The following COL9A1 variants were observed in gnomAD, a reference collection of about 807,000 sequenced individuals.
COL9A1 encodes the protein collagen type IX alpha 1 chain, also known as collagen alpha-1(IX) chain.
COL9A1 carries 104 observed loss-of-function variants against 142.6 expected under a neutral mutation model. The ratio of observed to expected loss-of-function variants is 0.73; its 90% CI spans 0.62 to 0.86. The LOEUF is 0.86. Among genes scored for constraint, COL9A1 ranks in the 40% least tolerant of loss-of-function variants. The pLI is 0.00. For synonymous variants in COL9A1, 466 were observed against 396.0 expected (o/e 1.18, Z -2.10); for missense variants, 1,210 against 1,176.6 (o/e 1.03, Z -0.42).
At chr6:70,291,525 C>T (rs1248505850) in intron 5 of COL9A1, among the ~76,000 whole-genome samples, 5 of 152,150 alleles carry the variant, frequency 3.3e-5, no homozygotes, top group African/African-American at 1.2e-4. Context: ...CTTGTCTCAA[C>T]TCCTTGTTCT....
chr6:70,242,711 C>A lies in COL9A1; in HGVS notation c.1877G>T (p.Ser626Ile). The change falls in exon 29 of 38, where the codon AGT (serine) becomes ATT (isoleucine). Residue 626 changes from serine to isoleucine, a missense_variant. By Grantham distance (142) the Ser-to-Ile change is moderately radical. Transcript: ENST00000357250. ...GPRGPQGLPG[S>I]RGELGPVGSP... ...TCCCACTGGTCCTAATTCTCCTCTACTGCCCTGTAAAAACACAAACATTGT... is the reference window on the plus strand; with the variant it reads ...TCCCACTGGTCCTAATTCTCCTCTAATGCCCTGTAAAAACACAAACATTGT... 6.2e-7 allele frequency: 1 copy of A among 1,614,092 alleles called. No homozygotes were observed. Among genetic ancestry groups the A allele is most frequent in the Non-Finnish European group, 8.5e-7 (1 of 1,179,922 alleles).
At chr6:70,265,999 A>G (rs1178297638) in intron 18 of COL9A1, among the ~76,000 whole-genome samples, 1 of 152,182 alleles carries the variant, frequency 6.6e-6, no homozygotes, top group Non-Finnish European at 1.5e-5. Flanking sequence ...GAACAACTTA[A>G]CTTTGTAAAA....
At position 70,261,955 on chromosome 6, in the gene COL9A1, A is replaced by G. The variant is rs142230946; in HGVS notation, c.1396-1245T>C. On this transcript the variant is annotated intron_variant, in intron 19 of 37. Transcript: ENST00000357250. ...AGTACATGCTTTTTAAATTTGGCAT[A>G]CCTATTCCCAAATAGCAGGAGGTAA... is the stretch of plus-strand genomic sequence containing the variant. 5.2e-3 allele frequency among the ~76,000 whole-genome samples: 797 copies of G among 152,252 alleles called. 3 individuals are homozygous for G. Among genetic ancestry groups the G allele is most frequent in the African/African-American group, 0.018 (753 of 41,544 alleles).
At chr6:70,239,615 T>C (rs952018185) in intron 32 of COL9A1, among the ~76,000 whole-genome samples, 5 of 152,204 alleles carry the variant, frequency 3.3e-5, no homozygotes, top group African/African-American at 9.6e-5. Context: ...GATATTAAAA[T>C]AGCATTATCT....
At position 70,242,790 on chromosome 6, in the gene COL9A1, A is replaced by G. The variant is rs771110138; in HGVS notation, c.1873-75T>C. The G allele has an allele frequency of 1.1e-5, 16 of 1,419,932 alleles. No individual in the cohort carries two copies. In the East Asian group the frequency reaches 3.4e-4, roughly 30 times the overall value. 88.0% of individuals were successfully genotyped at this position (1,419,932 alleles called of 1,614,324 possible). A position where few individuals can be genotyped will look rare whatever the true frequency, so the allele number is the denominator to read the frequency against. On this transcript the variant is annotated intron_variant, in intron 28 of 37. Transcript: ENST00000357250. Reference sequence around the variant, plus strand: ...GCTTAGTTACTATGTAAATAAAATAACATCCTACCTAGGTTTTTTTCCTTC... The same window carrying G: ...GCTTAGTTACTATGTAAATAAAATAGCATCCTACCTAGGTTTTTTTCCTTC...
Position 70,234,867 on chromosome 6 carries a change from C to T in COL9A1, c.2186G>A (p.Arg729Lys). 6.2e-7 allele frequency: 1 copy of T among 1,614,174 alleles called. No individual in the cohort carries two copies. The highest frequency in any genetic ancestry group is 8.5e-7 in the Non-Finnish European group (1 of 1,180,024). ...SRGLPGVEGP[R>K]GPPGPRGVQG... ...CACACCCCGGGGTCCAGGTGGTCCT[C>T]TTGGTCCTTCCACTCCAGGAAGCCC... is the stretch of plus-strand genomic sequence containing the variant. The change falls in exon 34 of 38, where the codon AGA becomes AAA. Residue 729 changes from arginine (R) to lysine (K), a missense_variant. Transcript: ENST00000357250.
intron 25 of COL9A1, among the ~76,000 whole-genome samples, chr6:70,254,021 C>T (rs1055399063): frequency 3.9e-5 from 6 of 152,116 alleles, no homozygotes; most frequent in Non-Finnish European, 5.9e-5. Flanking sequence ...ACAATCCACA[C>T]GAACTTCCAG....
In COL9A1 at chr6:70,294,261, A is replaced by G. The variant is rs1180969852; in HGVS notation, c.602T>C (p.Ile201Thr). The change falls in exon 5 of 38, where the codon ATT becomes ACT. Residue 201 changes from isoleucine (I) to threonine (T), a missense_variant. Physicochemically the swap from Ile to Thr is moderately conservative, Grantham distance 89. Coordinates refer to ENST00000357250, the MANE Select transcript of COL9A1 (RefSeq NM_001851.6). ...TCTTGGCTTTATAGGTAAAGATTCA[A>G]TCCTGTTGCAGTCAACAAAAAGAGT... Reference protein sequence around the residue: ...SATLFVDCNRIESLPIKPRGP... With the variant: ...SATLFVDCNRTESLPIKPRGP... 1.9e-6 allele frequency: 3 copies of G among 1,613,990 alleles called. No individual in the cohort carries two copies. Among genetic ancestry groups the G allele is most frequent in the Middle Eastern group, 1.6e-4 (1 of 6,084 alleles).
At chr6:70,266,197 G>GT (rs953175886) in intron 18 of COL9A1, among the ~76,000 whole-genome samples, 6 of 152,100 alleles carry the variant, frequency 3.9e-5, no homozygotes, top group African/African-American at 7.2e-5. Context: ...AGATAATAAC[G>GT]TAAGTTATTA....
intron 30 of COL9A1, 30 bp downstream of exon 30, chr6:70,241,934 A>G: frequency 6.4e-7 from 1 of 1,555,824 alleles, no homozygotes; most frequent in African/African-American, 1.4e-5. Flanking sequence ...CTTCCAAATA[A>G]AGAACCTTCT....
At chr6:70,227,424 TAAAAAAAAAAAAAAAA>T (rs11407353) in intron 36 of COL9A1, among the ~76,000 whole-genome samples, 1 of 50,046 alleles carries the variant, frequency 2.0e-5, no homozygotes, top group Non-Finnish European at 3.4e-5. Context: ...ATGCAAATTG[TAAAAAAAAAAAAAAAA>T]AAAAAAAAGG....
At chr6:70,287,654 C>T (rs914762070) in intron 5 of COL9A1, among the ~76,000 whole-genome samples, 1 of 152,182 alleles carries the variant, frequency 6.6e-6, no homozygotes, top group African/African-American at 2.4e-5. Context: ...TCTCTTGAAC[C>T]CATTCCAGTT....
intron 5 of COL9A1, among the ~76,000 whole-genome samples, chr6:70,292,609 A>C (rs1257757426): frequency 2.0e-5 from 3 of 152,212 alleles, no homozygotes; most frequent in African/African-American, 7.2e-5. Context: ...AAGACAATTT[A>C]ATAGCATCTT....
intron 33 of COL9A1, among the ~76,000 whole-genome samples, chr6:70,237,002 T>C (rs554074549): frequency 4.0e-4 from 61 of 152,258 alleles, no homozygotes; most frequent in Non-Finnish European, 7.8e-4. Flanking sequence ...TTTGTATTTT[T>C]AGTAAAGATG....
At chr6:70,254,715 A>C (rs954352527) in intron 24 of COL9A1, 186 bp from the exon 25 acceptor site, 5 of 682,078 alleles carry the variant, frequency 7.3e-6, no homozygotes, top group Non-Finnish European at 1.3e-5. Context: ...AATTCAACCA[A>C]AATGCACAGT....
At position 70,234,569 on chromosome 6, in the gene COL9A1, T is replaced by C. The variant is rs2127559477; in HGVS notation, c.2284A>G (p.Ile762Val). The C allele has an allele frequency of 3.1e-6, 5 of 1,614,214 alleles. No individual in the cohort carries two copies. Among genetic ancestry groups the C allele is most frequent in the Non-Finnish European group, 4.2e-6 (5 of 1,180,032 alleles). Residue 762 changes from isoleucine to valine, a missense_variant, in exon 35 of 38, where the codon ATT becomes GTT. Transcript: ENST00000357250. ...PPGRAPTDQH[I>V]KQVCMRVIQE... is the part of the protein sequence containing the mutation. ...ATGACTCTCATGCAAACCTGCTTAATGTGCTGATCTGTCGGTGCTCTACCC... is the reference window on the plus strand; with the variant it reads ...ATGACTCTCATGCAAACCTGCTTAACGTGCTGATCTGTCGGTGCTCTACCC...
chr6:70,228,976 G>A (rs1163818243), intron 36 of COL9A1, among the ~76,000 whole-genome samples: 1 of 152,040 alleles, frequency 6.6e-6, no homozygotes, highest in Non-Finnish European at 1.5e-5. Context: ...GTCTAAATGT[G>A]CCACATTTCT....
At chr6:70,263,622 T>C (rs1771833593) in intron 18 of COL9A1, among the ~76,000 whole-genome samples, 1 of 151,704 alleles carries the variant, frequency 6.6e-6, no homozygotes, top group Non-Finnish European at 1.5e-5. Context: ...TAAAGAGAGA[T>C]AGAGAGAGTA....
intron 12 of COL9A1, among the ~76,000 whole-genome samples, chr6:70,273,513 AATAG>A (rs1418330312): frequency 6.6e-6 from 1 of 152,184 alleles, no homozygotes; most frequent in Non-Finnish European, 1.5e-5. Context: ...CAAAGAGCAA[AATAG>A]ATAGGAAAAG....
Sources: gnomAD v4.1 joint callset for allele counts (sites outside exome capture counted in the v4.1 genomes callset) on GRCh38, gnomAD v4.1.1 for gene constraint, MANE v1.5 for transcripts, NCBI Gene and HGNC (gene_info 2026-07-23, HGNC 2026-07-21) for gene names.